Variants in RBFOX1 observed in about 807,000 individuals in gnomAD.
The protein encoded by RBFOX1 is RNA binding protein fox-1 homolog 1.
In RBFOX1, 8 loss-of-function variants were observed where a neutral mutation model predicts 57.7. That is an observed-to-expected ratio of 0.14 (90% confidence interval 0.08 to 0.25). The LOEUF (loss-of-function observed/expected upper bound fraction) is 0.25. Among genes scored for constraint, RBFOX1 ranks in the 10% least tolerant of loss-of-function variants. The pLI is 1.00. For synonymous variants in RBFOX1, 326 were observed against 222.4 expected, an observed-to-expected ratio of 1.47 and a Z score of -4.15; for missense variants, 611 against 548.5, an observed-to-expected ratio of 1.11 and a Z score of -1.14.
chr16:7,165,229 C>T (rs968740380), intron 4 of RBFOX1, among the ~76,000 whole-genome samples: 1 of 151,976 alleles, frequency 6.6e-6, no homozygotes, highest in East Asian at 1.9e-4. Context: ...GTGTGACATG[C>T]AGTCGTGAGG....
intron 1 of RBFOX1, among the ~76,000 whole-genome samples, chr16:6,145,505 G>A (rs117279502): frequency 0.016 from 2,423 of 151,368 alleles, 36 homozygotes; most frequent in Non-Finnish European, 0.024. Context: ...ATATGTGTGC[G>A]TGTGTCTTTG....
intron 3 of RBFOX1, among the ~76,000 whole-genome samples, chr16:7,003,495 A>T (rs1206903980): frequency 6.6e-6 from 1 of 151,908 alleles, no homozygotes; most frequent in Non-Finnish European, 1.5e-5. Context: ...AAGAAGGAGT[A>T]GTTTGTGAAG....
chr16:6,806,264 T>A (rs1055676538), intron 3 of RBFOX1, among the ~76,000 whole-genome samples: 5 of 152,198 alleles, frequency 3.3e-5, no homozygotes, highest in African/African-American at 1.2e-4. Context: ...ATGAAGTACT[T>A]TTCCTTCCTG....
intron 1 of RBFOX1, among the ~76,000 whole-genome samples, chr16:5,453,834 G>A (rs532990063): frequency 2.0e-5 from 3 of 152,312 alleles, no homozygotes; most frequent in Admixed American, 2.0e-4. Context: ...GAAGTTAGCC[G>A]AAGGGTAAGT....
At chr16:7,558,480 C>T (rs1470951498) in intron 5 of RBFOX1, among the ~76,000 whole-genome samples, 1 of 151,912 alleles carries the variant, frequency 6.6e-6, no homozygotes, top group Non-Finnish European at 1.5e-5. Flanking sequence ...TACATAAATA[C>T]ATGTGTACAC....
chr16:5,955,957 C>T (rs557066459), intron 4 of RBFOX1, among the ~76,000 whole-genome samples: 1 of 152,160 alleles, frequency 6.6e-6, no homozygotes, highest in East Asian at 1.9e-4. Flanking sequence ...TAGGGGTGCA[C>T]ATCTAACAAA....
chr16:5,559,717 G>C (rs1275133289), intron 2 of RBFOX1, among the ~76,000 whole-genome samples: 1 of 152,130 alleles, frequency 6.6e-6, no homozygotes, highest in East Asian at 1.9e-4. Flanking sequence ...TTTCTTCCTA[G>C]GTCATTCTGT....
chr16:7,541,460 A>AG (rs1555570954), intron 5 of RBFOX1, among the ~76,000 whole-genome samples: 30 of 144,230 alleles, frequency 2.1e-4, no homozygotes, highest in African/African-American at 6.6e-4. Flanking sequence ...TGTTTTTATC[A>AG]GGTTTTTTTT....
At chr16:6,315,698 G>A (rs2081032610) in intron 1 of RBFOX1, among the ~76,000 whole-genome samples, 1 of 152,168 alleles carries the variant, frequency 6.6e-6, no homozygotes, top group African/African-American at 2.4e-5. Flanking sequence ...AAAATGCAAA[G>A]CAAAAGGCTA....
chr16:6,599,895 T>C (rs1239091017), intron 2 of RBFOX1, among the ~76,000 whole-genome samples: 1 of 152,196 alleles, frequency 6.6e-6, no homozygotes, highest in Non-Finnish European at 1.5e-5. Context: ...CTGCACATAG[T>C]AAATATTCTG....
chr16:6,981,120 T>C (rs1223990816), intron 3 of RBFOX1, among the ~76,000 whole-genome samples: 3 of 151,760 alleles, frequency 2.0e-5, no homozygotes, highest in African/African-American at 7.3e-5. Context: ...ACTCTTTTTT[T>C]ATTTTTTTAA....
At chr16:5,360,572 A>C (rs781525220) in intron 1 of RBFOX1, among the ~76,000 whole-genome samples, 17 of 152,162 alleles carry the variant, frequency 1.1e-4, no homozygotes, top group Non-Finnish European at 2.1e-4. Context: ...ACTTTAAGGG[A>C]AAGATCTGGA....
chr16:6,799,641 A>G (rs1010296217), intron 3 of RBFOX1, among the ~76,000 whole-genome samples: 2 of 152,162 alleles, frequency 1.3e-5, no homozygotes, highest in African/African-American at 2.4e-5. Context: ...ATCAGCTGCC[A>G]GTACAGCTCG....
At chr16:6,378,741 C>T (rs556185981) in intron 2 of RBFOX1, among the ~76,000 whole-genome samples, 28 of 152,300 alleles carry the variant, frequency 1.8e-4, no homozygotes, top group African/African-American at 6.0e-4. Flanking sequence ...CCTCATCACT[C>T]CTGGTCTCAA....
intron 4 of RBFOX1, among the ~76,000 whole-genome samples, chr16:7,059,986 A>T (rs577019765): frequency 4.6e-5 from 7 of 152,340 alleles, no homozygotes; most frequent in South Asian, 2.1e-4. Context: ...AGAAGACTGT[A>T]AAATATTAGT....
intron 4 of RBFOX1, among the ~76,000 whole-genome samples, chr16:7,455,656 G>A (rs572958002): frequency 2.0e-5 from 3 of 151,428 alleles, no homozygotes; most frequent in Non-Finnish European, 4.4e-5. Context: ...AATTAGCCAG[G>A]CGTGGTTGTA....
intron 4 of RBFOX1, among the ~76,000 whole-genome samples, chr16:7,369,820 A>T (rs921821410): frequency 1.3e-5 from 2 of 152,216 alleles, no homozygotes; most frequent in Non-Finnish European, 2.9e-5. Context: ...GCTCCCATTA[A>T]TTCTGGGACA....
At chr16:7,570,443 G>T (rs964389098) in intron 5 of RBFOX1, among the ~76,000 whole-genome samples, 6 of 152,036 alleles carry the variant, frequency 3.9e-5, no homozygotes, top group African/African-American at 1.5e-4. Context: ...CTTCATGGTG[G>T]TATCATCTAC....
chr16:6,885,377 C>T (rs536618268), intron 3 of RBFOX1, among the ~76,000 whole-genome samples: 35 of 152,244 alleles, frequency 2.3e-4, no homozygotes, highest in African/African-American at 8.4e-4. Context: ...GTTGCCGAAG[C>T]ATGCTCATGA....
Sources: allele counts gnomAD v4.1 joint callset (sites outside exome capture counted in the v4.1 genomes callset), GRCh38; gene constraint gnomAD v4.1.1; transcripts MANE v1.5; gene names NCBI Gene and HGNC (gene_info 2026-07-23, HGNC 2026-07-21).